The following PLPPR1 variants were observed in gnomAD, a reference collection of about 807,000 sequenced individuals.
The protein encoded by PLPPR1 is phospholipid phosphatase-related protein type 1.
Under a neutral mutation model 33.1 loss-of-function variants are expected in PLPPR1, and 10 were observed. The ratio of observed to expected loss-of-function variants is 0.30; its 90% CI spans 0.19 to 0.51. PLPPR1 has a LOEUF of 0.51. Ranked by LOEUF, PLPPR1 falls within the 20% of genes least tolerant of loss-of-function variation. The pLI is 0.97. For missense variants in PLPPR1, 304 were observed against 408.1 expected (o/e 0.74, Z 2.20); for synonymous variants, 151 against 151.0 (o/e 1.00, Z 0.00).
chr9:101,255,560 T>C (rs1827785423), intron 2 of PLPPR1, among the ~76,000 whole-genome samples: 1 of 152,224 alleles, frequency 6.6e-6, no homozygotes, highest in Non-Finnish European at 1.5e-5. Flanking sequence ...GTTAGTTTAC[T>C]GAACAGAATG....
chr9:101,115,446 A>T (rs1340338105), intron 1 of PLPPR1, among the ~76,000 whole-genome samples: 1 of 152,268 alleles, frequency 6.6e-6, no homozygotes, highest in Non-Finnish European at 1.5e-5. Flanking sequence ...CAACAGATGT[A>T]GTCTTATCAT....
At chr9:101,190,000 T>C (rs979162703) in intron 2 of PLPPR1, among the ~76,000 whole-genome samples, 1 of 152,134 alleles carries the variant, frequency 6.6e-6, no homozygotes, top group Non-Finnish European at 1.5e-5. Flanking sequence ...GCTTACTTCT[T>C]CTGTAAGGTT....
At chr9:101,299,117 C>T (rs80135020) in intron 4 of PLPPR1, among the ~76,000 whole-genome samples, 6,554 of 152,266 alleles carry the variant, frequency 0.043, 192 homozygotes, top group South Asian at 0.11. Context: ...ATGTCAAGAG[C>T]AAGGCAGGAC....
At chr9:101,054,639 G>A (rs1349446735) in intron 1 of PLPPR1, among the ~76,000 whole-genome samples, 2 of 152,206 alleles carry the variant, frequency 1.3e-5, no homozygotes, top group Non-Finnish European at 2.9e-5. Flanking sequence ...GATCCCTGAG[G>A]TTATTGAAAA....
At chr9:101,074,786 T>C (rs12237058) in intron 1 of PLPPR1, among the ~76,000 whole-genome samples, 5,915 of 152,146 alleles carry the variant, frequency 0.039, 174 homozygotes, top group East Asian at 0.082. Flanking sequence ...ATCAAGTGGT[T>C]ACCCAGAAAA....
chr9:101,127,779 T>C (rs1831264090), intron 1 of PLPPR1, among the ~76,000 whole-genome samples: 1 of 152,186 alleles, frequency 6.6e-6, no homozygotes, highest in South Asian at 2.1e-4. Flanking sequence ...CCCTGGATCC[T>C]GGACATGTTC....
intron 1 of PLPPR1, among the ~76,000 whole-genome samples, chr9:101,109,525 C>T (rs1438468879): frequency 2.0e-5 from 3 of 152,110 alleles, no homozygotes; most frequent in Non-Finnish European, 4.4e-5. Flanking sequence ...TGGCTTATAG[C>T]ACAATCATAG....
chr9:101,172,920 C>A (rs1162240014), intron 1 of PLPPR1, among the ~76,000 whole-genome samples: 4 of 152,020 alleles, frequency 2.6e-5, no homozygotes, highest in Admixed American at 2.6e-4. Context: ...GTCTTGAATA[C>A]CATTGTCTCA....
At chr9:101,166,566 G>A (rs984575020) in intron 1 of PLPPR1, among the ~76,000 whole-genome samples, 6 of 152,138 alleles carry the variant, frequency 3.9e-5, no homozygotes, top group Non-Finnish European at 7.4e-5. Context: ...TACAGAGTAA[G>A]TATCAGGAAT....
chr9:101,101,849 C>T (rs2118554859), intron 1 of PLPPR1, among the ~76,000 whole-genome samples: 1 of 152,198 alleles, frequency 6.6e-6, no homozygotes, highest in South Asian at 2.1e-4. Flanking sequence ...TAACCCTAAA[C>T]CACAAAGCAG....
intron 1 of PLPPR1, among the ~76,000 whole-genome samples, chr9:101,084,940 A>G (rs567102558): frequency 2.6e-4 from 39 of 152,330 alleles, no homozygotes; most frequent in Admixed American, 1.1e-3. Flanking sequence ...TCCTTGCCAC[A>G]TAAGCAGAAC....
intron 2 of PLPPR1, among the ~76,000 whole-genome samples, chr9:101,265,792 C>T (rs1412305806): frequency 8.6e-5 from 13 of 150,890 alleles, no homozygotes; most frequent in South Asian, 2.1e-4. Context: ...GTCAGAAGTT[C>T]GAGGCCAGCC....
At chr9:101,232,946 T>C (rs1044999474) in intron 2 of PLPPR1, among the ~76,000 whole-genome samples, 4 of 152,054 alleles carry the variant, frequency 2.6e-5, no homozygotes, top group Non-Finnish European at 5.9e-5. Flanking sequence ...AAAATAAATA[T>C]GTGTCTGATC....
At chr9:101,128,749 C>T (rs758944327) in intron 1 of PLPPR1, among the ~76,000 whole-genome samples, 3 of 152,158 alleles carry the variant, frequency 2.0e-5, no homozygotes, top group Non-Finnish European at 4.4e-5. Context: ...TTCCATAATA[C>T]TCTGTCTTAT....
intron 2 of PLPPR1, among the ~76,000 whole-genome samples, chr9:101,225,802 C>G (rs966336883): frequency 7.3e-6 from 1 of 136,310 alleles, no homozygotes; most frequent in South Asian, 2.4e-4. Context: ...CTAGAGACAG[C>G]GATCTGGTGG....
At chr9:101,036,839 C>A (rs1830017241) in intron 1 of PLPPR1, among the ~76,000 whole-genome samples, 1 of 151,962 alleles carries the variant, frequency 6.6e-6, no homozygotes, top group African/African-American at 2.4e-5. Flanking sequence ...GGATTATTAA[C>A]CTCTACAACA....
chr9:101,160,206 G>A (rs1831754703), intron 1 of PLPPR1, among the ~76,000 whole-genome samples: 1 of 152,146 alleles, frequency 6.6e-6, no homozygotes, highest in Non-Finnish European at 1.5e-5. Context: ...CTAGAAAAGT[G>A]GGGTTGTGTC....
chr9:101,145,071 T>G (rs1160768746), intron 1 of PLPPR1, among the ~76,000 whole-genome samples: 1 of 152,134 alleles, frequency 6.6e-6, no homozygotes, highest in Non-Finnish European at 1.5e-5. Flanking sequence ...CCAGTTTCAT[T>G]CATGTTGCTG....
intron 2 of PLPPR1, among the ~76,000 whole-genome samples, chr9:101,238,174 CTA>C (rs985478239): frequency 1.6e-4 from 21 of 134,644 alleles, no homozygotes; most frequent in African/African-American, 5.4e-4. Context: ...TATATATACC[CTA>C]TATATATGCC....
Sources: allele counts gnomAD v4.1 joint callset (sites outside exome capture counted in the v4.1 genomes callset), GRCh38; gene constraint gnomAD v4.1.1; transcripts MANE v1.5; gene names NCBI Gene and HGNC (gene_info 2026-07-23, HGNC 2026-07-21).